Variants in PLXNA4 observed in about 807,000 individuals in gnomAD.
The protein encoded by PLXNA4 is plexin-A4.
PLXNA4 carries 44 observed loss-of-function variants against 191.8 expected under a neutral mutation model. That is an observed-to-expected ratio of 0.23 (90% CI 0.18 to 0.29). The LOEUF is 0.29. PLXNA4 is among the 10% of genes least tolerant of loss of function. The pLI is 1.00. For missense variants in PLXNA4, 1,800 were observed against 2,488.8 expected (o/e 0.72, Z 5.89); for synonymous variants, 1,082 against 1,009.5 (o/e 1.07, Z -1.36).
intron 3 of PLXNA4, among the ~76,000 whole-genome samples, chr7:132,309,267 C>G (rs536695289): frequency 6.6e-6 from 1 of 152,158 alleles, no homozygotes; most frequent in Non-Finnish European, 1.5e-5. Context: ...AGTGGAGAAC[C>G]ACAGCCTGGC....
intron 30 of PLXNA4, among the ~76,000 whole-genome samples, chr7:132,137,713 TGGTG>T (rs1205757638): frequency 4.7e-5 from 5 of 107,296 alleles, no homozygotes; most frequent in African/African-American, 1.8e-4. Flanking sequence ...GGTGGGGAGA[TGGTG>T]GGAGGGAGGA....
At chr7:132,464,187 T>C (rs1796616194) in intron 3 of PLXNA4, among the ~76,000 whole-genome samples, 1 of 152,134 alleles carries the variant, frequency 6.6e-6, no homozygotes, top group Non-Finnish European at 1.5e-5. Flanking sequence ...AAAATAACAA[T>C]GGAAATCTGC....
Position 132,164,434 on chromosome 7 carries a change from CCTT to C in PLXNA4, c.4354-149_4354-147del, listed in dbSNP as rs148505237. Reference sequence around the variant, plus strand: ...GCTTTTATACTCAGCTCTTCAATCTCCTTCTCTCCATCTCCTCATCCTTCAGGC... The same window carrying C: ...GCTTTTATACTCAGCTCTTCAATCTCCTCTCCATCTCCTCATCCTTCAGGC... On this transcript the variant is annotated intron_variant, in intron 23 of 31. Coordinates refer to ENST00000321063, the MANE Select transcript of PLXNA4 (RefSeq NM_020911.2). The C allele has an allele frequency of 2.1e-3, 2,644 of 1,271,626 alleles. 42 individuals carry two copies. In the African/African-American group the frequency reaches 0.034, roughly 17 times the overall value. 78.8% of individuals were successfully genotyped at this position (1,271,626 alleles called of 1,614,324 possible).
chr7:132,342,108 A>G (rs962248705), intron 3 of PLXNA4, among the ~76,000 whole-genome samples: 2 of 151,726 alleles, frequency 1.3e-5, no homozygotes, highest in African/African-American at 2.4e-5. Context: ...TCTGGCTTCA[A>G]GGAGACCACC....
rs1794826092 is a variant in PLXNA4, at chr7:132,128,063, A to ATCTGTGTTAAATACG, written c.*2401_*2415dup. 1 of 151,320 alleles carries ATCTGTGTTAAATACG rather than the reference A, an allele frequency of 6.6e-6. No individual in the cohort carries two copies. The highest frequency in any genetic ancestry group is 1.5e-5 in the Non-Finnish European group (1 of 67,960). The allele number at this position is 151,320 out of a possible 1,614,324, so 9.4% of individuals were successfully genotyped here. On this transcript the variant is annotated 3_prime_UTR_variant, in exon 32 of 32. Coordinates refer to ENST00000321063, the MANE Select transcript of PLXNA4 (RefSeq NM_020911.2). Reference sequence around the variant, plus strand: ...CACACACGCAGCTTCCATCCAGCAAATCTGTGTTAAATACGTTTGTGTCTC... The same window carrying ATCTGTGTTAAATACG: ...CACACACGCAGCTTCCATCCAGCAAATCTGTGTTAAATACGTCTGTGTTAAATACGTTTGTGTCTC...
At chr7:132,388,916 C>T (rs1163444186) in intron 3 of PLXNA4, among the ~76,000 whole-genome samples, 1 of 152,218 alleles carries the variant, frequency 6.6e-6, no homozygotes. Context: ...GAGCCTGAAT[C>T]CCACAAGCCA....
chr7:132,294,119 C>G (rs546762709), intron 4 of PLXNA4, among the ~76,000 whole-genome samples: 1 of 152,180 alleles, frequency 6.6e-6, no homozygotes, highest in East Asian at 1.9e-4. Flanking sequence ...AGACTAAGTG[C>G]TATGGATAAA....
intron 2 of PLXNA4, among the ~76,000 whole-genome samples, chr7:132,498,676 G>A (rs1450641087): frequency 6.6e-6 from 1 of 152,080 alleles, no homozygotes; most frequent in Non-Finnish European, 1.5e-5. Context: ...GCATCCACTG[G>A]GGGACTTGGA....
At chr7:132,396,215 T>C (rs1416560952) in intron 3 of PLXNA4, among the ~76,000 whole-genome samples, 1 of 152,172 alleles carries the variant, frequency 6.6e-6, no homozygotes, top group Admixed American at 6.5e-5. Context: ...CTGAAGAGTA[T>C]GCCATGCTTT....
At chr7:132,407,788 A>G (rs1794284454) in intron 3 of PLXNA4, among the ~76,000 whole-genome samples, 1 of 152,232 alleles carries the variant, frequency 6.6e-6, no homozygotes, top group African/African-American at 2.4e-5. Flanking sequence ...TCATATCACA[A>G]TCTCTGCTAT....
At chr7:132,170,749 GT>G (rs1796261351) in intron 21 of PLXNA4, among the ~76,000 whole-genome samples, 5 of 152,196 alleles carry the variant, frequency 3.3e-5, no homozygotes, top group Admixed American at 3.3e-4. Flanking sequence ...CAGAAGGGCT[GT>G]CATTGAAACC....
chr7:132,215,702 C>G (rs1030659685), intron 9 of PLXNA4, among the ~76,000 whole-genome samples: 9 of 152,222 alleles, frequency 5.9e-5, no homozygotes, highest in East Asian at 3.9e-4. Context: ...ATGGTTTAAT[C>G]AATCATGCCT....
intron 4 of PLXNA4, among the ~76,000 whole-genome samples, chr7:132,251,910 T>G (rs1445189935): frequency 1.3e-5 from 2 of 152,238 alleles, no homozygotes; most frequent in East Asian, 3.8e-4. Context: ...GGAAAAGTTA[T>G]GGTGCTCAAA....
At chr7:132,648,399 A>G (rs1475869816) in intron 1 of PLXNA4, 1 of 152,242 alleles carries the variant, frequency 6.6e-6, no homozygotes, top group African/African-American at 2.4e-5. Context: ...CAGCCAAGGG[A>G]CATCACTAAG....
chr7:132,619,946 G>A (rs10227552), intron 2 of PLXNA4, among the ~76,000 whole-genome samples: 5,394 of 152,208 alleles, frequency 0.035, 458 homozygotes, highest in East Asian at 0.27. Context: ...GACTACAGGC[G>A]CCCACCACCA....
intron 10 of PLXNA4, among the ~76,000 whole-genome samples, chr7:132,207,389 C>T (rs2116885321): frequency 6.6e-6 from 1 of 152,344 alleles, no homozygotes; most frequent in Middle Eastern, 3.4e-3. Flanking sequence ...CTTTGCAGCC[C>T]CCTCACTGGC....
At chr7:132,618,180 G>C (rs1051668093) in intron 2 of PLXNA4, among the ~76,000 whole-genome samples, 4 of 152,208 alleles carry the variant, frequency 2.6e-5, no homozygotes, top group African/African-American at 9.6e-5. Flanking sequence ...GATAAATTTA[G>C]GTGCTATTAC....
chr7:132,309,211 A>G (rs934920658), intron 3 of PLXNA4, among the ~76,000 whole-genome samples: 2 of 152,210 alleles, frequency 1.3e-5, no homozygotes, highest in Admixed American at 1.3e-4. Context: ...TGGAGGAAGA[A>G]CAAAGCAGTT....
chr7:132,318,600 C>T (rs146488711), intron 3 of PLXNA4, among the ~76,000 whole-genome samples: 1 of 149,580 alleles, frequency 6.7e-6, no homozygotes, highest in East Asian at 2.0e-4. Flanking sequence ...TACCGGAAAA[C>T]AGGAAGGAAG....
Sources: gnomAD v4.1 joint callset for allele counts (sites outside exome capture counted in the v4.1 genomes callset) on GRCh38, gnomAD v4.1.1 for gene constraint, MANE v1.5 for transcripts, NCBI Gene and HGNC (gene_info 2026-07-23, HGNC 2026-07-21) for gene names.